LMF1: variants seen among roughly 807,000 people sequenced by gnomAD.
LMF1 encodes transmembrane protein 112.
In LMF1, 68 loss-of-function variants were observed where a neutral mutation model predicts 60.6. The observed-to-expected ratio is 1.12, with a 90% confidence interval of 0.92 to 1.37. The LOEUF (loss-of-function observed/expected upper bound fraction) is 1.37. Among genes scored for constraint, LMF1 ranks in the 40% most tolerant of loss-of-function variants. The probability of loss-of-function intolerance (pLI) is 0.00; values close to 1 mark genes in which losing one functional copy is unlikely to be tolerated. For synonymous variants in LMF1, 418 were observed against 324.7 expected, an observed-to-expected ratio of 1.29 and a Z score of -3.09; for missense variants, 948 against 767.2, an observed-to-expected ratio of 1.24 and a Z score of -2.78.
At chr16:966,066 T>A (rs1392291998) in intron 1 of LMF1, among the ~76,000 whole-genome samples, 1 of 151,968 alleles carries the variant, frequency 6.6e-6, no homozygotes, top group Admixed American at 6.5e-5. Context: ...CCACGAGTGA[T>A]GAGGGCTAAG....
At chr16:871,132 G>C (rs1386820609) in intron 7 of LMF1, 29 bp downstream of exon 7, 1 of 1,536,686 alleles carries the variant, frequency 6.5e-7, no homozygotes, top group Admixed American at 2.0e-5. Flanking sequence ...TCCTGCCCTT[G>C]GGCAGGGGCC....
intron 1 of LMF1, among the ~76,000 whole-genome samples, chr16:956,357 G>C (rs2072704846): frequency 6.6e-6 from 1 of 152,166 alleles, no homozygotes; most frequent in South Asian, 2.1e-4. Context: ...CAGAGATGCT[G>C]ACAGGTGAGA....
At chr16:957,778 C>G (rs1398445676) in intron 1 of LMF1, among the ~76,000 whole-genome samples, 1 of 152,270 alleles carries the variant, frequency 6.6e-6, no homozygotes, top group South Asian at 2.1e-4. Flanking sequence ...CAGACACAGC[C>G]CCCCTGCCCC....
chr16:964,070 C>A lies in LMF1; in HGVS notation c.193+6718G>T, dbSNP rs113896668. ...ACCTGGGAGCTGCAACGAGGAAATA[C>A]CGAGGAAATACCGTGTCGCCCGAGC... is the stretch of plus-strand genomic sequence containing the variant. On this transcript the variant is annotated intron_variant, in intron 1 of 10. Transcript: ENST00000262301. 31,374 of 455,438 alleles carry A rather than the reference C, an allele frequency of 0.069. 1,307 individuals carry two copies. The highest frequency in any genetic ancestry group is 0.089 in the Non-Finnish European group (20,130 of 226,380). 28.2% of individuals were successfully genotyped at this position (455,438 alleles called of 1,614,324 possible). A position where few individuals can be genotyped will look rare whatever the true frequency, so the allele number is the denominator to read the frequency against.
chr16:958,823 G>T (rs947497850), intron 1 of LMF1, among the ~76,000 whole-genome samples: 2 of 152,038 alleles, frequency 1.3e-5, no homozygotes, highest in African/African-American at 4.8e-5. Flanking sequence ...GGAGGCGGAG[G>T]TTGGAGTGAG....
intron 10 of LMF1, among the ~76,000 whole-genome samples, chr16:865,880 TGTTTAA>T (rs1464885394): frequency 2.6e-5 from 4 of 152,244 alleles, no homozygotes; most frequent in African/African-American, 7.2e-5. Flanking sequence ...GTACTTTCTA[TGTTTAA>T]GTTTATTGAT....
intron 10 of LMF1, among the ~76,000 whole-genome samples, chr16:860,157 T>C (rs1189999763): frequency 6.6e-6 from 1 of 152,180 alleles, no homozygotes; most frequent in East Asian, 1.9e-4. Context: ...GTCAGATACG[T>C]GACTTGCAAA....
chr16:968,387 T>C (rs2072970474), intron 1 of LMF1: 1 of 152,256 alleles, frequency 6.6e-6, no homozygotes, highest in African/African-American at 2.4e-5. Context: ...CATTTGGTTA[T>C]GTGTTTAATT....
chr16:962,761 C>T lies in LMF1; in HGVS notation c.193+8027G>A, dbSNP rs1048139837. Among the ~76,000 whole-genome samples the T allele has an allele frequency of 3.3e-5, 5 of 152,152 alleles. No homozygotes were observed. The highest frequency in any genetic ancestry group is 1.3e-4 in the Admixed American group (2 of 15,280). ...GCCAGGACAAAACCGGGTCCCAGAA[C>T]GGAACAGGCACGGGTGGAAAAGCCA... On this transcript the variant is annotated intron_variant, in intron 1 of 10. Transcript: ENST00000262301. The surrounding 1 kb of genome is among the most constrained non-coding windows in gnomAD (Gnocchi z 4.5).
chr16:914,427 G>C (rs992163028), intron 3 of LMF1, among the ~76,000 whole-genome samples: 1 of 151,614 alleles, frequency 6.6e-6, no homozygotes, highest in Admixed American at 6.6e-5. Context: ...GTCCACGAGA[G>C]AACGCACACC....
intron 3 of LMF1, among the ~76,000 whole-genome samples, chr16:930,687 CG>C (rs1452490313): frequency 2.0e-5 from 3 of 152,250 alleles, no homozygotes; most frequent in Non-Finnish European, 2.9e-5. Flanking sequence ...TATTTTCAGG[CG>C]GGTCCCGCTC....
intron 2 of LMF1, among the ~76,000 whole-genome samples, chr16:948,454 CGACAGAGTCAGAGACAAT>C (rs1167836380): frequency 7.1e-6 from 1 of 141,260 alleles, no homozygotes; most frequent in South Asian, 2.3e-4. Context: ...TCAGAGACAA[CGACAGAGTCAGAGACAAT>C]GACAGAGTCA....
intron 5 of LMF1, among the ~76,000 whole-genome samples, chr16:890,112 CTCCG>C (rs368205279): frequency 6.6e-5 from 10 of 152,212 alleles, no homozygotes; most frequent in African/African-American, 1.9e-4. Context: ...ATGGCCACTG[CTCCG>C]TCTGTCGAGT....
intron 10 of LMF1, chr16:855,051 GCCCCAGTTTGAGCCCCAAGTGTC>G (rs2151673735): frequency 2.6e-6 from 1 of 385,842 alleles, no homozygotes; most frequent in Non-Finnish European, 4.9e-6. Context: ...CGTTCACAAG[GCCCCAGTTTGAGCCCCAAGTGTC>G]CCCCGCCTGG....
intron 1 of LMF1, among the ~76,000 whole-genome samples, chr16:978,002 ACAC>A (rs1238732592): frequency 2.8e-5 from 4 of 140,862 alleles, no homozygotes; most frequent in African/African-American, 5.5e-5. Context: ...GCACACACAC[ACAC>A]CACACACACA....
chr16:913,092 G>T (rs557938542), intron 3 of LMF1, among the ~76,000 whole-genome samples: 3 of 152,328 alleles, frequency 2.0e-5, no homozygotes, highest in Non-Finnish European at 2.9e-5. Flanking sequence ...TTCCCGTTGC[G>T]CAGCTGCACG....
chr16:870,169 G>T (rs2069740552), intron 8 of LMF1, 103 bp from the exon 9 acceptor site: 37 of 1,332,826 alleles, frequency 2.8e-5, no homozygotes, highest in East Asian at 1.0e-4. Flanking sequence ...CTGGCCCAGG[G>T]GGAGGGCTAC....
chr16:892,166 G>A (rs968198028), intron 5 of LMF1, among the ~76,000 whole-genome samples: 1 of 152,218 alleles, frequency 6.6e-6, no homozygotes, highest in Non-Finnish European at 1.5e-5. Context: ...GAGTGCCAGA[G>A]CAACCCTGGC....
chr16:899,890 A>G (rs912677619), intron 4 of LMF1: 1 of 152,192 alleles, frequency 6.6e-6, no homozygotes, highest in African/African-American at 2.4e-5. Flanking sequence ...CGTGGGAGGC[A>G]CACGCCCTGG....
Sources: allele counts gnomAD v4.1 joint callset (sites outside exome capture counted in the v4.1 genomes callset), GRCh38; gene constraint gnomAD v4.1.1; non-coding constraint Gnocchi (gnomAD v3.1); transcripts MANE v1.5; gene names NCBI Gene and HGNC (gene_info 2026-07-23, HGNC 2026-07-21).